Variants in DOCK4 observed in about 807,000 individuals in gnomAD.
DOCK4 encodes the protein dedicator of cytokinesis 4, also known as dedicator of cytokinesis protein 4.
DOCK4 carries 97 observed loss-of-function variants against 268.1 expected under a neutral mutation model. The ratio of observed to expected loss-of-function variants is 0.36; its 90% CI spans 0.31 to 0.43. The LOEUF (loss-of-function observed/expected upper bound fraction) is 0.43, where lower values mean the gene tolerates loss of function less well. DOCK4 is among the 20% of genes least tolerant of loss of function. The pLI, the probability that DOCK4 is intolerant of heterozygous loss-of-function variation, is 1.00. For missense variants in DOCK4, 2,145 were observed against 2,455.7 expected, an observed-to-expected ratio of 0.87 and a Z score of 2.67; for synonymous variants, 954 against 887.2, an observed-to-expected ratio of 1.08 and a Z score of -1.34.
intron 8 of DOCK4, among the ~76,000 whole-genome samples, chr7:111,959,887 C>T (rs905942997): frequency 2.6e-5 from 4 of 152,156 alleles, no homozygotes; most frequent in African/African-American, 9.7e-5. Context: ...ATTTGCTAAG[C>T]ACATCCAGCA....
intron 26 of DOCK4, among the ~76,000 whole-genome samples, chr7:111,833,472 A>T (rs1803001932): frequency 6.6e-6 from 1 of 151,968 alleles, no homozygotes; most frequent in African/African-American, 2.4e-5. Flanking sequence ...TGAGCCTAGG[A>T]GTTTCAGGAT....
chr7:111,759,577 G>A (rs6968514), intron 40 of DOCK4, among the ~76,000 whole-genome samples: 42,993 of 151,936 alleles, frequency 0.28, 7,124 homozygotes, highest in East Asian at 0.56. Context: ...TCAGGAAAAG[G>A]CAGAGGGGTT....
rs1794596660 is a variant in DOCK4 at position 111,934,851 on chromosome 7, T to C, written c.1066+689A>G. ...ACTGCGCCCGGCCGCGAAGCATGTT[T>C]TTATTGGACCTCACTAAAAATTGCT... On this transcript the variant is annotated intron_variant, in intron 12 of 52. Coordinates refer to ENST00000428084, the MANE Select transcript of DOCK4 (RefSeq NM_001363540.2). Among the ~76,000 whole-genome samples, 3 of 151,312 alleles carry C rather than the reference T, an allele frequency of 2.0e-5. No individual in the cohort carries two copies. The South Asian group carries it at 6.2e-4, about 31-fold the overall frequency.
chr7:111,844,207 T>C (rs999849924), intron 25 of DOCK4, among the ~76,000 whole-genome samples: 4 of 152,092 alleles, frequency 2.6e-5, no homozygotes, highest in Admixed American at 1.3e-4. Context: ...ACCCGGGAGA[T>C]GGAGGTTGTA....
intron 47 of DOCK4, 33 bp from the exon 48 acceptor site, chr7:111,739,510 T>C: frequency 6.5e-7 from 1 of 1,533,656 alleles, no homozygotes; most frequent in Non-Finnish European, 8.8e-7. Context: ...TATCATACCC[T>C]GATTAAAGGC....
chr7:112,191,538 A>C lies in DOCK4; in HGVS notation c.37+14564T>G, dbSNP rs141300770. On this transcript the variant is annotated intron_variant, in intron 1 of 52. Transcript: ENST00000428084. The stretch of plus-strand genomic sequence containing the variant: ...AAAAGACAACGTGGGGACTTATTTC[A>C]CATAATACTGGTATTAACACTAGTA... Among the ~76,000 whole-genome samples the C allele has an allele frequency of 1.6e-4, 25 of 152,228 alleles. 1 individual carries two copies. In the East Asian group the frequency reaches 4.2e-3, roughly 26 times the overall value.
chr7:111,848,417 C>G (rs977885651), intron 23 of DOCK4, among the ~76,000 whole-genome samples: 1 of 152,214 alleles, frequency 6.6e-6, no homozygotes, highest in Non-Finnish European at 1.5e-5. Flanking sequence ...AAATTCTTAA[C>G]TTTTGAACAA....
At chr7:111,778,768 A>G (rs1357039661) in intron 35 of DOCK4, among the ~76,000 whole-genome samples, 1 of 152,178 alleles carries the variant, frequency 6.6e-6, no homozygotes, top group Non-Finnish European at 1.5e-5. Flanking sequence ...CTAAAGAAAA[A>G]AGTCTCAGCT....
At chr7:111,834,492 TA>T in intron 26 of DOCK4, 95 bp downstream of exon 26, 1 of 946,938 alleles carries the variant, frequency 1.1e-6, no homozygotes, top group African/African-American at 1.7e-5. Context: ...TGGAAACAGG[TA>T]AAGCAATTGT....
At chr7:112,145,937 T>C (rs751601664) in intron 1 of DOCK4, among the ~76,000 whole-genome samples, 12 of 152,198 alleles carry the variant, frequency 7.9e-5, no homozygotes, top group Non-Finnish European at 1.6e-4. Flanking sequence ...AACTGCGTAC[T>C]ATATTAGAAT....
At chr7:111,773,336 T>C (rs1231525507) in intron 36 of DOCK4, among the ~76,000 whole-genome samples, 1 of 152,116 alleles carries the variant, frequency 6.6e-6, no homozygotes, top group Non-Finnish European at 1.5e-5. Context: ...AAATGTTACA[T>C]GGGAAAAGAA....
intron 1 of DOCK4, among the ~76,000 whole-genome samples, chr7:112,195,478 C>G (rs1820337233): frequency 6.6e-6 from 1 of 152,084 alleles, no homozygotes; most frequent in South Asian, 2.1e-4. Flanking sequence ...CCTGGCTAAC[C>G]CCTGAGCCTG....
chr7:112,007,195 A>T (rs569307704), intron 1 of DOCK4, among the ~76,000 whole-genome samples: 1 of 152,180 alleles, frequency 6.6e-6, no homozygotes, highest in Non-Finnish European at 1.5e-5. Context: ...ATAGTAAGGC[A>T]TCACATAATA....
intron 1 of DOCK4, among the ~76,000 whole-genome samples, chr7:112,185,134 G>A (rs556092426): frequency 9.2e-5 from 14 of 152,292 alleles, no homozygotes; most frequent in African/African-American, 3.4e-4. Flanking sequence ...CAGAGCACCC[G>A]TTACACACAG....
chr7:111,834,773 G>A (rs932471064), intron 25 of DOCK4, 87 bp from the exon 26 acceptor site: 25 of 850,790 alleles, frequency 2.9e-5, no homozygotes, highest in Non-Finnish European at 3.8e-5. Context: ...TGTCCTCAAA[G>A]AGAATAGGTT....
chr7:111,748,411 A>G (rs999830773), intron 42 of DOCK4, among the ~76,000 whole-genome samples: 6 of 152,168 alleles, frequency 3.9e-5, no homozygotes, highest in Admixed American at 3.9e-4. Context: ...ATTCTTAAAA[A>G]CCAGGAAGAA....
chr7:112,149,643 A>G (rs1472557939), intron 1 of DOCK4, among the ~76,000 whole-genome samples: 1 of 152,242 alleles, frequency 6.6e-6, no homozygotes, highest in Non-Finnish European at 1.5e-5. Flanking sequence ...TGCAATTCAC[A>G]TAAGCTATAA....
At chr7:111,865,639 A>G (rs1805911478) in intron 22 of DOCK4, among the ~76,000 whole-genome samples, 1 of 152,242 alleles carries the variant, frequency 6.6e-6, no homozygotes, top group South Asian at 2.1e-4. Context: ...GAGATTTTGC[A>G]GATGTAATTA....
In DOCK4 at chr7:111,895,631, T is replaced by A; in HGVS notation, c.1568A>T (p.His523Leu). The change falls in exon 16 of 53, where the codon CAT (histidine) becomes CTT (leucine). Residue 523 changes from histidine (H) to leucine (L), a missense_variant. His to Leu is a moderately conservative substitution (Grantham distance 99, BLOSUM62 -3). This residue lies in a region of DOCK4 where 1,598 missense variants were observed against 1,986.7 expected (regional missense o/e 0.80). Coordinates refer to ENST00000428084, the MANE Select transcript of DOCK4 (RefSeq NM_001363540.2). ...TGTTACCTTATGCACGATGAGCTCATGAGTGCCATCTGGAAGAGTCCTACC... is the reference window on the plus strand; with the variant it reads ...TGTTACCTTATGCACGATGAGCTCAAGAGTGCCATCTGGAAGAGTCCTACC... ...EDGRTLPDGT[H>L]ELIVHKCEEN... 6.2e-7 allele frequency: 1 copy of A among 1,613,944 alleles called. No homozygotes were observed. The highest frequency in any genetic ancestry group is 8.5e-7 in the Non-Finnish European group (1 of 1,179,850).
Sources: gnomAD v4.1 joint callset for allele counts (sites outside exome capture counted in the v4.1 genomes callset) on GRCh38, gnomAD v4.1.1 for gene constraint, gnomAD v4.1.1 regional missense constraint, MANE v1.5 for transcripts, NCBI Gene and HGNC (gene_info 2026-07-23, HGNC 2026-07-21) for gene names.